EXT2: variants seen among roughly 807,000 people sequenced by gnomAD.
EXT2 encodes the protein exostosin-2.
Under a neutral mutation model 81.6 loss-of-function variants are expected in EXT2, and 53 were observed. The ratio of observed to expected loss-of-function variants is 0.65; its 90% CI spans 0.52 to 0.82. The LOEUF (loss-of-function observed/expected upper bound fraction) is 0.82, where lower values mean the gene tolerates loss of function less well. EXT2 is among the 40% of genes least tolerant of loss of function. The pLI is 0.00. For missense variants in EXT2, 774 were observed against 910.2 expected, an observed-to-expected ratio of 0.85 and a Z score of 1.93; for synonymous variants, 320 against 340.0, an observed-to-expected ratio of 0.94 and a Z score of 0.65.
At chr11:44,240,014 A>G (rs1265399049) in intron 13 of EXT2, among the ~76,000 whole-genome samples, 1 of 152,196 alleles carries the variant, frequency 6.6e-6, no homozygotes, top group East Asian at 1.9e-4. Flanking sequence ...TACAACATAA[A>G]TGCTATGTAA....
intron 7 of EXT2, among the ~76,000 whole-genome samples, chr11:44,167,616 C>A (rs1955011999): frequency 1.3e-5 from 2 of 152,056 alleles, no homozygotes; most frequent in Non-Finnish European, 2.9e-5. Flanking sequence ...TCTGAATCAT[C>A]CAGAACCTCT....
rs527779309 is a variant in EXT2 at position 44,247,431 on chromosome 11, T to C, written c.*3144T>C. Among the ~76,000 whole-genome samples, 1 of 43,500 alleles carries C rather than the reference T, an allele frequency of 2.3e-5. No homozygotes were observed. Among genetic ancestry groups the C allele is most frequent in the Non-Finnish European group, 5.1e-5 (1 of 19,780 alleles). The allele number at this position is 43,500 out of a possible 152,430, so 28.5% of individuals were successfully genotyped here. A position where few individuals can be genotyped will look rare whatever the true frequency, so the allele number is the denominator to read the frequency against. ...CGCCTGGCTAATTTGTTTGTAATTT[T>C]AGTAGAGGCAGGGTTTCACCACGTT... On this transcript the variant is annotated 3_prime_UTR_variant, in exon 14 of 14. Coordinates refer to ENST00000533608, the MANE Select transcript of EXT2 (RefSeq NM_207122.2).
intron 7 of EXT2, among the ~76,000 whole-genome samples, chr11:44,140,035 TAGGGGC>T (rs1231480571): frequency 6.6e-6 from 1 of 152,168 alleles, no homozygotes; most frequent in East Asian, 1.9e-4. Context: ...TGGCCACTGG[TAGGGGC>T]AGGGCAGGAA....
intron 4 of EXT2, among the ~76,000 whole-genome samples, chr11:44,120,094 C>G (rs180739962): frequency 6.6e-6 from 1 of 152,306 alleles, no homozygotes; most frequent in Non-Finnish European, 1.5e-5. Context: ...AAAAACCACT[C>G]CAAACAGTAA....
Position 44,100,464 on chromosome 11 carries a change from A to G in EXT2, c.-31+4612A>G, listed in dbSNP as rs186251615. On this transcript the variant is annotated intron_variant, in intron 1 of 13. Coordinates refer to ENST00000533608, the MANE Select transcript of EXT2 (RefSeq NM_207122.2). ...TGGTTTAGGATGAGACTCAGGTGGA[A>G]GGAAAAGCATTGGCTAGTATGGTAG... Among the ~76,000 whole-genome samples the G allele has an allele frequency of 2.0e-5, 3 of 152,294 alleles. No individual in the cohort carries two copies. The East Asian group carries it at 5.8e-4, about 29-fold the overall frequency.
intron 7 of EXT2, among the ~76,000 whole-genome samples, chr11:44,155,235 C>G (rs1376895450): frequency 6.6e-6 from 1 of 152,070 alleles, no homozygotes; most frequent in Non-Finnish European, 1.5e-5. Flanking sequence ...GGTTTGAGAT[C>G]TTAGTCTAAG....
At chr11:44,238,504 G>C (rs971918508) in intron 13 of EXT2, among the ~76,000 whole-genome samples, 1 of 152,160 alleles carries the variant, frequency 6.6e-6, no homozygotes, top group Non-Finnish European at 1.5e-5. Flanking sequence ...TAGTTAGGAG[G>C]AGATGCTGAT....
At chr11:44,233,681 A>G (rs1314153155) in intron 11 of EXT2, among the ~76,000 whole-genome samples, 2 of 152,220 alleles carry the variant, frequency 1.3e-5, no homozygotes, top group East Asian at 1.9e-4. Flanking sequence ...TTGTTAGCTC[A>G]GCACTACTGC....
intron 7 of EXT2, among the ~76,000 whole-genome samples, chr11:44,140,052 G>A (rs537605926): frequency 4.3e-4 from 66 of 152,318 alleles, no homozygotes; most frequent in African/African-American, 1.6e-3. Flanking sequence ...AGGGCAGGAA[G>A]GGTTAGGCAA....
intron 4 of EXT2, among the ~76,000 whole-genome samples, chr11:44,117,488 T>C (rs1489264689): frequency 1.3e-5 from 2 of 152,242 alleles, no homozygotes; most frequent in Non-Finnish European, 2.9e-5. Flanking sequence ...AATTTTTGTA[T>C]GTGGTATAAG....
chr11:44,221,716 C>T (rs1955783712), intron 10 of EXT2, among the ~76,000 whole-genome samples: 2 of 152,186 alleles, frequency 1.3e-5, no homozygotes, highest in African/African-American at 4.8e-5. Context: ...AGAGCAGCCC[C>T]AGGCCTGAAC....
intron 10 of EXT2, among the ~76,000 whole-genome samples, chr11:44,208,744 T>C (rs909337429): frequency 6.6e-6 from 1 of 152,248 alleles, no homozygotes; most frequent in African/African-American, 2.4e-5. Flanking sequence ...GTTTTTCTTA[T>C]TCTGTGCTGA....
chr11:44,123,259 T>G (rs1954344985), intron 4 of EXT2, among the ~76,000 whole-genome samples: 10 of 152,186 alleles, frequency 6.6e-5, no homozygotes, highest in Admixed American at 6.5e-4. Context: ...TCTGAGTAAC[T>G]AAGGAAAAGT....
chr11:44,108,464 G>A (rs1954095391), intron 2 of EXT2, among the ~76,000 whole-genome samples: 1 of 152,192 alleles, frequency 6.6e-6, no homozygotes, highest in African/African-American at 2.4e-5. Flanking sequence ...TGCCATCTCC[G>A]GCACTACTGC....
intron 7 of EXT2, among the ~76,000 whole-genome samples, chr11:44,131,966 C>A (rs911766610): frequency 1.3e-5 from 2 of 152,180 alleles, no homozygotes; most frequent in Non-Finnish European, 2.9e-5. Context: ...GAACTCTTGA[C>A]CCCAAGTGAT....
At chr11:44,178,811 AAT>A (rs1448366199) in intron 8 of EXT2, among the ~76,000 whole-genome samples, 8 of 151,770 alleles carry the variant, frequency 5.3e-5, no homozygotes, top group South Asian at 2.1e-4. Flanking sequence ...AAAAAAAAAA[AAT>A]GTATGGAATT....
chr11:44,159,634 T>A (rs2135102106), intron 7 of EXT2, among the ~76,000 whole-genome samples: 1 of 152,338 alleles, frequency 6.6e-6, no homozygotes, highest in East Asian at 1.9e-4. Context: ...CTCTGCCATG[T>A]CTCATTCTGG....
chr11:44,144,128 C>G, intron 7 of EXT2: 1 of 843,332 alleles, frequency 1.2e-6, no homozygotes, highest in Non-Finnish European at 2.0e-6. Flanking sequence ...TTTAGCATAG[C>G]AAACATGGAA....
At chr11:44,173,132 G>A (rs1298151912) in intron 8 of EXT2, among the ~76,000 whole-genome samples, 2 of 152,192 alleles carry the variant, frequency 1.3e-5, no homozygotes, top group Admixed American at 1.3e-4. Context: ...CTGTAGTGGA[G>A]TAGAGTGGTG....
Sources: gnomAD v4.1 joint callset for allele counts (sites outside exome capture counted in the v4.1 genomes callset) on GRCh38, gnomAD v4.1.1 for gene constraint, MANE v1.5 for transcripts, NCBI Gene and HGNC (gene_info 2026-07-23, HGNC 2026-07-21) for gene names.